SRGAP2: variants seen among roughly 807,000 people sequenced by gnomAD.
SRGAP2 encodes the protein SLIT-ROBO Rho GTPase-activating protein 2.
In SRGAP2, 15 loss-of-function variants were observed where a neutral mutation model predicts 57.2. The ratio of observed to expected loss-of-function variants is 0.26; its 90% CI spans 0.18 to 0.40. SRGAP2 has a LOEUF of 0.40. Among genes scored for constraint, SRGAP2 ranks in the 10% least tolerant of loss-of-function variants. The pLI, the probability that SRGAP2 is intolerant of heterozygous loss-of-function variation, is 1.00. For missense variants in SRGAP2, 520 were observed against 669.6 expected (o/e 0.78, Z 2.47); for synonymous variants, 249 against 248.0 (o/e 1.00, Z -0.04).
Position 206,461,251 on chromosome 1 carries a change from G to C in SRGAP2, c.3047G>C (p.Gly1016Ala). The change falls in exon 23 of 23, where the codon GGG becomes GCG. Residue 1016 changes from glycine to alanine, a missense_variant. By Grantham distance (60) the Gly-to-Ala change is moderately conservative. Coordinates refer to ENST00000573034, the MANE Select transcript of SRGAP2 (RefSeq NM_015326.5). ...PAFQRSASTA[G>A]DIACAFRPVK... is the part of the protein sequence containing the mutation. ...TTCCAGCGCAGCGCCAGTACTGCTG[G>C]GGACATCGCCTGCGCCTTCCGGCCT... The C allele has an allele frequency of 1.3e-6, 1 of 780,862 alleles. No individual in the cohort carries two copies. The allele number at this position is 780,862 out of a possible 1,614,324, so 48.4% of individuals were successfully genotyped here. A position where few individuals can be genotyped will look rare whatever the true frequency, so the allele number is the denominator to read the frequency against.
chr1:206,458,985 A>C (rs1553379609), intron 22 of SRGAP2, 38 bp downstream of exon 22: 1 of 698,080 alleles, frequency 1.4e-6, no homozygotes, highest in Non-Finnish European at 2.7e-6. Flanking sequence ...ATGAGTCTAC[A>C]TTCATCACTA....
At chr1:206,322,355 T>C (rs1250373498) in intron 3 of SRGAP2, among the ~76,000 whole-genome samples, 1 of 145,482 alleles carries the variant, frequency 6.9e-6, no homozygotes, top group Non-Finnish European at 1.5e-5. Context: ...GGGCCGATCA[T>C]GAGGTCAGGA....
chr1:206,209,465 G>A (rs1666170705), intron 2 of SRGAP2, among the ~76,000 whole-genome samples: 10 of 149,370 alleles, frequency 6.7e-5, no homozygotes, highest in African/African-American at 2.5e-4. Flanking sequence ...GAACTCCTGA[G>A]GCTTCAGCCC....
intron 20 of SRGAP2, 185 bp downstream of exon 20, chr1:206,453,565 G>A (rs1663537941): frequency 2.7e-6 from 1 of 372,316 alleles, no homozygotes; most frequent in South Asian, 1.4e-4. Flanking sequence ...TGCACTCAGT[G>A]GAGAATTTTT....
chr1:206,244,781 A>T (rs1286448143), intron 2 of SRGAP2, among the ~76,000 whole-genome samples: 2 of 152,128 alleles, frequency 1.3e-5, no homozygotes, highest in African/African-American at 4.8e-5. Flanking sequence ...AAGAGGTTAT[A>T]GCCAGGGCGC....
intron 5 of SRGAP2, among the ~76,000 whole-genome samples, chr1:206,386,227 T>C (rs1309861083): frequency 6.6e-6 from 1 of 152,174 alleles, no homozygotes; most frequent in Non-Finnish European, 1.5e-5. Flanking sequence ...TGACCCACAA[T>C]GTCAATACAG....
intron 17 of SRGAP2, among the ~76,000 whole-genome samples, chr1:206,444,606 C>T (rs1553373132): frequency 1.3e-5 from 2 of 152,240 alleles, no homozygotes; most frequent in Non-Finnish European, 2.9e-5. Flanking sequence ...CTTAAGCCTG[C>T]AGCACCTCAT....
chr1:206,437,866 G>T, intron 15 of SRGAP2, 98 bp from the exon 16 acceptor site: 4 of 737,042 alleles, frequency 5.4e-6, no homozygotes. Context: ...GATGGATTGG[G>T]ACCAGGACAT....
intron 2 of SRGAP2, among the ~76,000 whole-genome samples, chr1:206,283,426 C>A (rs1670843614): frequency 6.6e-6 from 1 of 152,124 alleles, no homozygotes; most frequent in African/African-American, 2.4e-5. Flanking sequence ...ATAATCCCAG[C>A]ACTTTGGGAG....
At chr1:206,387,263 A>G (rs1406747347) in intron 5 of SRGAP2, among the ~76,000 whole-genome samples, 3 of 150,780 alleles carry the variant, frequency 2.0e-5, no homozygotes, top group African/African-American at 7.5e-5. Context: ...CTAGTACTGA[A>G]GAGTTTCCTG....
Position 206,438,052 on chromosome 1 carries a change from C to A in SRGAP2, c.1722C>A (p.His574Gln). The A allele has an allele frequency of 2.6e-6, 2 of 780,900 alleles. No individual in the cohort carries two copies. Among genetic ancestry groups the A allele is most frequent in the South Asian group, 2.7e-5 (2 of 74,622 alleles). 48.4% of individuals were successfully genotyped at this position (780,900 alleles called of 1,614,324 possible). Residue 574 changes from histidine (H) to glutamine (Q), a missense_variant, in exon 16 of 23, where the codon CAC (histidine) becomes CAA (glutamine). Physicochemically the swap from His to Gln is conservative, Grantham distance 24. Coordinates refer to ENST00000573034, the MANE Select transcript of SRGAP2 (RefSeq NM_015326.5). ...AGCTTTACTTCCGGGGGCTGGAACA[C>A]CCTCTCTTCCCCAAGGACATCTTTC... ...VLKLYFRGLEHPLFPKDIFHD... is the reference protein window; with the variant it reads ...VLKLYFRGLEQPLFPKDIFHD...
rs1553381394 is a variant in SRGAP2, at chr1:206,462,764, A to G, written c.*1344A>G. 1.3e-5 allele frequency: 2 copies of G among 152,220 alleles called. No homozygotes were observed. The allele number at this position is 152,220 out of a possible 1,614,324, so 9.4% of individuals were successfully genotyped here. ...TTTGAATGCTGAATATTCTGGCTCT[A>G]CTCTGGCCTTTTTTCTGGTTCCCTT... is the stretch of plus-strand genomic sequence containing the variant. On this transcript the variant is annotated 3_prime_UTR_variant, in exon 23 of 23. Coordinates refer to ENST00000573034, the MANE Select transcript of SRGAP2 (RefSeq NM_015326.5).
chr1:206,312,108 T>A (rs1553324355), intron 3 of SRGAP2: 1 of 152,076 alleles, frequency 6.6e-6, no homozygotes, highest in Admixed American at 6.6e-5. Context: ...ACTCATCACC[T>A]CCCCCGGAGC....
At chr1:206,309,268 T>A (rs1672452424) in intron 3 of SRGAP2, among the ~76,000 whole-genome samples, 1 of 151,362 alleles carries the variant, frequency 6.6e-6, no homozygotes, top group South Asian at 2.1e-4. Flanking sequence ...ACAGCTATTT[T>A]CAAGAGCAGT....
At chr1:206,267,970 C>T (rs1170867358) in intron 2 of SRGAP2, among the ~76,000 whole-genome samples, 1 of 148,890 alleles carries the variant, frequency 6.7e-6, no homozygotes, top group African/African-American at 2.5e-5. Context: ...ATAAAATTCT[C>T]TACAGTGTGA....
chr1:206,203,660 C>T lies in SRGAP2; in HGVS notation c.-543+10C>T, dbSNP rs1665537734. 3.2e-6 allele frequency: 2 copies of T among 615,442 alleles called. No homozygotes were observed. The highest frequency in any genetic ancestry group is 3.7e-5 in the African/African-American group (2 of 53,846). 38.1% of individuals were successfully genotyped at this position (615,442 alleles called of 1,614,324 possible). A position where few individuals can be genotyped will look rare whatever the true frequency, so the allele number is the denominator to read the frequency against. ...GTCGCGTCAGAGCCAGGTAAAGGCT[C>T]CTTCCCTCTTCCTTTTCTTCCTCCC... On this transcript the variant is annotated intron_variant, in intron 1 of 22. Coordinates refer to ENST00000573034, the MANE Select transcript of SRGAP2 (RefSeq NM_015326.5).
At chr1:206,335,410 GC>G (rs1462564207) in intron 3 of SRGAP2, among the ~76,000 whole-genome samples, 6 of 151,998 alleles carry the variant, frequency 3.9e-5, no homozygotes, top group African/African-American at 7.2e-5. Context: ...TTCTAAGTCA[GC>G]CAAATCAGGG....
intron 4 of SRGAP2, among the ~76,000 whole-genome samples, chr1:206,379,190 A>G (rs1375375948): frequency 6.7e-6 from 1 of 148,822 alleles, no homozygotes; most frequent in East Asian, 2.0e-4. Flanking sequence ...TGGAGGGGAA[A>G]TCTAGAAGTC....
intron 2 of SRGAP2, among the ~76,000 whole-genome samples, chr1:206,276,478 A>T: frequency 8.7e-6 from 1 of 114,524 alleles, no homozygotes; most frequent in Non-Finnish European, 1.8e-5. Context: ...GGGGTGGGGT[A>T]GGGGGTGGAG....
Sources: allele counts gnomAD v4.1 joint callset (sites outside exome capture counted in the v4.1 genomes callset), GRCh38; gene constraint gnomAD v4.1.1; transcripts MANE v1.5; gene names NCBI Gene and HGNC (gene_info 2026-07-23, HGNC 2026-07-21).